The following PIGN variants were observed in gnomAD, a reference collection of about 807,000 sequenced individuals.
PIGN encodes phosphatidylinositol glycan anchor biosynthesis class N.
PIGN carries 117 observed loss-of-function variants against 125.4 expected under a neutral mutation model. The ratio of observed to expected loss-of-function variants is 0.93; its 90% CI spans 0.80 to 1.09. The LOEUF (loss-of-function observed/expected upper bound fraction) is 1.09. Ranked by LOEUF, PIGN falls within the 50% of genes least tolerant of loss-of-function variation. The pLI is 0.00. For synonymous variants in PIGN, 392 were observed against 377.8 expected (o/e 1.04, Z -0.44); for missense variants, 1,075 against 1,094.9 (o/e 0.98, Z 0.26).
At position 62,102,851 on chromosome 18, in the gene PIGN, A is replaced by G; in HGVS notation, c.1911T>C (p.Ser637=). ...VLLLSLCVVT[S]LMKRKDSFIK... is the part of the protein sequence containing the mutation. Reference sequence around the variant, plus strand: ...TAAAGCTATCTTTTCTTTTCATGAGAGATGTTACAACACACAGGGATAACA... The same window carrying G: ...TAAAGCTATCTTTTCTTTTCATGAGGGATGTTACAACACACAGGGATAACA... The change falls in exon 21 of 31, where the codon TCT becomes TCC. Residue 637 remains serine (S), a synonymous_variant. Coordinates refer to ENST00000640252, the MANE Select transcript of PIGN (RefSeq NM_176787.5). 6.3e-7 allele frequency: 1 copy of G among 1,587,830 alleles called. No homozygotes were observed. The highest frequency in any genetic ancestry group is 8.6e-7 in the Non-Finnish European group (1 of 1,165,824).
intron 27 of PIGN, among the ~76,000 whole-genome samples, chr18:62,084,059 G>A (rs1056014594): frequency 3.9e-5 from 6 of 152,186 alleles, no homozygotes; most frequent in African/African-American, 1.4e-4. Flanking sequence ...CTGGAAAGCT[G>A]AAAATGGTCA....
chr18:62,121,730 A>G (rs953248271), intron 14 of PIGN, among the ~76,000 whole-genome samples: 2 of 152,140 alleles, frequency 1.3e-5, no homozygotes, highest in Admixed American at 6.6e-5. Context: ...ATAACATTGC[A>G]TCATGTATAT....
intron 1 of PIGN, among the ~76,000 whole-genome samples, chr18:62,178,548 T>A (rs1264422371): frequency 6.6e-6 from 1 of 151,088 alleles, no homozygotes; most frequent in Non-Finnish European, 1.5e-5. Context: ...GGCGAGAGGA[T>A]TGCTTGAGCC....
chr18:62,084,461 T>C (rs2145942911), intron 27 of PIGN, 70 bp downstream of exon 27: 1 of 986,104 alleles, frequency 1.0e-6, no homozygotes. Context: ...GCTACTTAAC[T>C]CTGTCTAAAT....
chr18:62,088,594 T>C (rs1487819418), intron 25 of PIGN, 162 bp downstream of exon 25: 1 of 529,192 alleles, frequency 1.9e-6, no homozygotes, highest in African/African-American at 2.0e-5. Flanking sequence ...TTTCTATAGT[T>C]CAAAAAAATT....
intron 16 of PIGN, among the ~76,000 whole-genome samples, chr18:62,110,847 T>C (rs189547398): frequency 1.4e-5 from 2 of 147,808 alleles, no homozygotes. Flanking sequence ...TAATAAAAAA[T>C]ATATATATAA....
chr18:62,050,349 A>G (rs1349969211), intron 30 of PIGN, among the ~76,000 whole-genome samples: 2 of 151,848 alleles, frequency 1.3e-5, no homozygotes, highest in African/African-American at 2.4e-5. Context: ...ATGTTCTTCC[A>G]TTTGTTTGTA....
In PIGN at chr18:62,101,506, T is replaced by G. The variant is rs530492100; in HGVS notation, c.1969-323A>C. ...CAAAGTACTTATTATTCTGGATACA[T>G]TCTGTCAAAGCTACTATGGCTTAAG... On this transcript the variant is annotated intron_variant, in intron 21 of 30. Coordinates refer to ENST00000640252, the MANE Select transcript of PIGN (RefSeq NM_176787.5). Among the ~76,000 whole-genome samples, 7 of 152,330 alleles carry G rather than the reference T, an allele frequency of 4.6e-5. No individual in the cohort carries two copies. The East Asian group carries it at 9.6e-4, about 21-fold the overall frequency.
chr18:62,128,152 T>G (rs2035606087), intron 14 of PIGN, among the ~76,000 whole-genome samples: 1 of 152,174 alleles, frequency 6.6e-6, no homozygotes, highest in African/African-American at 2.4e-5. Flanking sequence ...ATAAAACAAC[T>G]ATACATTTAA....
At chr18:62,039,615 C>T (rs1486126806), downstream of PIGN, among the ~76,000 whole-genome samples, 4 of 121,876 alleles carry the variant, frequency 3.3e-5, 1 homozygote, top group South Asian at 5.6e-4. Flanking sequence ...TTTAGGGCCC[C>T]ATCCAGAGTG....
At chr18:62,127,386 A>C (rs543501265) in intron 14 of PIGN, among the ~76,000 whole-genome samples, 2 of 152,106 alleles carry the variant, frequency 1.3e-5, no homozygotes, top group Non-Finnish European at 2.9e-5. Flanking sequence ...TGAATATCTC[A>C]TGTAATTTAT....
At chr18:62,128,036 G>A (rs577196057) in intron 14 of PIGN, among the ~76,000 whole-genome samples, 1 of 152,094 alleles carries the variant, frequency 6.6e-6, no homozygotes, top group African/African-American at 2.4e-5. Flanking sequence ...CTAACTCTTG[G>A]TTTAGGATAT....
At chr18:62,165,683 A>C (rs572835915) in intron 1 of PIGN, among the ~76,000 whole-genome samples, 1 of 152,324 alleles carries the variant, frequency 6.6e-6, no homozygotes, top group Non-Finnish European at 1.5e-5. Flanking sequence ...GACAGAAAAA[A>C]ATTAGCCAGT....
chr18:62,073,130 AG>A (rs2032980047), intron 29 of PIGN, among the ~76,000 whole-genome samples: 1 of 151,818 alleles, frequency 6.6e-6, no homozygotes, highest in African/African-American at 2.4e-5. Flanking sequence ...CCTCCTCACA[AG>A]GCATAGGCTG....
At chr18:62,036,305 A>C (rs1337634494), downstream of PIGN, among the ~76,000 whole-genome samples, 1 of 150,652 alleles carries the variant, frequency 6.6e-6, no homozygotes, top group African/African-American at 2.5e-5. Context: ...TGGTCTCACT[A>C]TGTTGCCCAG....
intron 28 of PIGN, among the ~76,000 whole-genome samples, chr18:62,078,700 G>T (rs2033298586): frequency 6.6e-6 from 1 of 152,134 alleles, no homozygotes. Context: ...TAGTTATATG[G>T]TATTATTTGA....
chr18:62,183,122 CTA>C (rs1471748982), intron 1 of PIGN, among the ~76,000 whole-genome samples: 33 of 152,234 alleles, frequency 2.2e-4, no homozygotes, highest in African/African-American at 6.0e-4. Context: ...AAAATGATAA[CTA>C]TGTGTAAGGT....
intron 10 of PIGN, 37 bp downstream of exon 10, chr18:62,145,872 A>G (rs1188250202): frequency 1.0e-6 from 1 of 986,854 alleles, no homozygotes; most frequent in Non-Finnish European, 1.6e-6. Context: ...TTATTTTAAG[A>G]GGTTGTATTT....
chr18:62,103,965 G>A (rs2034543849), intron 20 of PIGN, among the ~76,000 whole-genome samples: 1 of 152,114 alleles, frequency 6.6e-6, no homozygotes, highest in Non-Finnish European at 1.5e-5. Flanking sequence ...GAACACTGGA[G>A]TAACAGACAT....
Sources: allele counts gnomAD v4.1 joint callset (sites outside exome capture counted in the v4.1 genomes callset), GRCh38; gene constraint gnomAD v4.1.1; transcripts MANE v1.5; gene names NCBI Gene and HGNC (gene_info 2026-07-23, HGNC 2026-07-21).